Variants in CCDC190 observed in about 807,000 individuals in gnomAD.
CCDC190 encodes the protein coiled-coil domain containing 190.
Under a neutral mutation model 13.1 loss-of-function variants are expected in CCDC190, and 10 were observed. That is an observed-to-expected ratio of 0.77 (90% CI 0.47 to 1.30). The LOEUF (loss-of-function observed/expected upper bound fraction) is 1.30. CCDC190 is among the 50% of genes most tolerant of loss of function. The pLI, the probability that CCDC190 is intolerant of heterozygous loss-of-function variation, is 0.00. For synonymous variants in CCDC190, 136 were observed against 127.2 expected (o/e 1.07, Z -0.47); for missense variants, 375 against 354.3 (o/e 1.06, Z -0.47).
upstream of CCDC190, among the ~76,000 whole-genome samples, chr1:162,862,541 A>T (rs1285517423): frequency 1.3e-5 from 2 of 152,246 alleles, no homozygotes; most frequent in Non-Finnish European, 2.9e-5. Context: ...CAGGGCCAGA[A>T]GGAGGCAGAG....
In CCDC190 at chr1:162,855,374, A is replaced by T; in HGVS notation, c.312-15T>A. The T allele has an allele frequency of 6.3e-7, 1 of 1,576,944 alleles. No individual in the cohort carries two copies. Among genetic ancestry groups the T allele is most frequent in the Non-Finnish European group, 8.6e-7 (1 of 1,169,260 alleles). Reference sequence around the variant, plus strand: ...TTGCCAATGCTCTGAGAAAGGACATAAAAGAAAGATCTCTGAAAACCAATA... The same window carrying T: ...TTGCCAATGCTCTGAGAAAGGACATTAAAGAAAGATCTCTGAAAACCAATA... On this transcript the variant is annotated splice_polypyrimidine_tract_variant and intron_variant, in intron 3 of 3. Transcript: ENST00000367912.
At chr1:162,864,622 A>T (rs1411749752), upstream of CCDC190, among the ~76,000 whole-genome samples, 1 of 152,170 alleles carries the variant, frequency 6.6e-6, no homozygotes, top group African/African-American at 2.4e-5. Context: ...AATAAATGGA[A>T]GTTTACTGTT....
intron 2 of CCDC190, among the ~76,000 whole-genome samples, chr1:162,856,687 C>T (rs1650313101): frequency 6.6e-6 from 1 of 152,156 alleles, no homozygotes; most frequent in African/African-American, 2.4e-5. Context: ...TTTAAATCTA[C>T]AGTTCGGTTA....
At position 162,854,623 on chromosome 1, in the gene CCDC190, C is replaced by T. The variant is rs145929601; in HGVS notation, c.*142G>A. The stretch of plus-strand genomic sequence containing the variant: ...GTTCATTCAAGAAATATTATATTCC[C>T]GGAAAATAATAGGGAGTTTAAAATA... On this transcript the variant is annotated 3_prime_UTR_variant, in exon 4 of 4. Coordinates refer to ENST00000367912, the MANE Select transcript of CCDC190 (RefSeq NM_001394065.1). 978 of 1,395,314 alleles carry T rather than the reference C, an allele frequency of 7.0e-4. 11 individuals are homozygous for T. In the Admixed American group the frequency reaches 0.014, roughly 21 times the overall value. 86.4% of individuals were successfully genotyped at this position (1,395,314 alleles called of 1,614,324 possible).
rs1650214763 is a variant in CCDC190 at position 162,854,490 on chromosome 1, A to G, written c.*275T>C. 1 of 1,152,974 alleles carries G rather than the reference A, an allele frequency of 8.7e-7. No homozygotes were observed. The highest frequency in any genetic ancestry group is 1.6e-5 in the African/African-American group (1 of 62,976). The allele number at this position is 1,152,974 out of a possible 1,614,324, so 71.4% of individuals were successfully genotyped here. A position where few individuals can be genotyped will look rare whatever the true frequency, so the allele number is the denominator to read the frequency against. Reference sequence around the variant, plus strand: ...AAAGCAAGACTGTTACTGTTTTCCCAAGTCCAGTCATCAATATATATTCAT... The same window carrying G: ...AAAGCAAGACTGTTACTGTTTTCCCGAGTCCAGTCATCAATATATATTCAT... On this transcript the variant is annotated 3_prime_UTR_variant, in exon 4 of 4. Transcript: ENST00000367912.
At chr1:162,867,703 A>G (rs1184805209) in intron 1 of CCDC190, among the ~76,000 whole-genome samples, 1 of 152,218 alleles carries the variant, frequency 6.6e-6, no homozygotes, top group African/African-American at 2.4e-5. Flanking sequence ...CAACAAGTGA[A>G]CTGATAAACA....
In CCDC190 at chr1:162,853,757, C is replaced by T. The variant is rs899047603; in HGVS notation, c.*1008G>A. ...ATTGGGCTGAAGATTTGAATTTACC[C>T]ACCACAGAGGCATGATTTCTTTGAG... On this transcript the variant is annotated 3_prime_UTR_variant, in exon 4 of 4. Transcript: ENST00000367912. 2.6e-5 allele frequency among the ~76,000 whole-genome samples: 4 copies of T among 152,150 alleles called. No homozygotes were observed. Among genetic ancestry groups the T allele is most frequent in the African/African-American group, 9.7e-5 (4 of 41,434 alleles).
In CCDC190 at chr1:162,854,443, T is replaced by G. The variant is rs137896262; in HGVS notation, c.*322A>C. 98 of 1,082,876 alleles carry G rather than the reference T, an allele frequency of 9.0e-5. No homozygotes were observed. The highest frequency in any genetic ancestry group is 1.0e-4 in the Non-Finnish European group (93 of 891,158). The allele number at this position is 1,082,876 out of a possible 1,614,324, so 67.1% of individuals were successfully genotyped here. A position where few individuals can be genotyped will look rare whatever the true frequency, so the allele number is the denominator to read the frequency against. ...AGCAGGTGGCACCATGAGAATCTCCTAGAGGAAACAGGAAGTCCCTGAAAG... is the reference window on the plus strand; with the variant it reads ...AGCAGGTGGCACCATGAGAATCTCCGAGAGGAAACAGGAAGTCCCTGAAAG... On this transcript the variant is annotated 3_prime_UTR_variant, in exon 4 of 4. Coordinates refer to ENST00000367912, the MANE Select transcript of CCDC190 (RefSeq NM_001394065.1).
chr1:162,859,715 C>T, intron 1 of CCDC190, 57 bp from the exon 2 acceptor site: 2 of 1,418,824 alleles, frequency 1.4e-6, no homozygotes, highest in Admixed American at 4.5e-5. Context: ...GGATACTGAC[C>T]CCGGCTTTTA....
chr1:162,864,880 T>C (rs1364478462), upstream of CCDC190, among the ~76,000 whole-genome samples: 4 of 152,038 alleles, frequency 2.6e-5, no homozygotes, highest in Admixed American at 6.5e-5. Context: ...AGATGATAGA[T>C]TTTAAACCCA....
rs1308951926 is a variant in CCDC190 at position 162,855,057 on chromosome 1, GCA to G, written c.612_613del (p.Ala205Ter). The G allele has an allele frequency of 1.2e-6, 2 of 1,614,048 alleles. No homozygotes were observed. Among genetic ancestry groups the G allele is most frequent in the Admixed American group, 1.7e-5 (1 of 60,030 alleles). On this transcript the variant is annotated frameshift_variant, in exon 4 of 4. Coordinates refer to ENST00000367912, the MANE Select transcript of CCDC190 (RefSeq NM_001394065.1). LOFTEE classifies it low-confidence loss of function (END_TRUNC). ...AACATCTTTTGATCTGGTCTCATCA[GCA>G]CATGCCATTCCACTATCACTAGCTG...
chr1:162,856,803 G>A (rs1416088796), intron 2 of CCDC190, among the ~76,000 whole-genome samples: 1 of 152,152 alleles, frequency 6.6e-6, no homozygotes, highest in East Asian at 1.9e-4. Context: ...ATCAGAGCAA[G>A]GAAGAGTTCT....
chr1:162,854,596 T>A lies in CCDC190; in HGVS notation c.*169A>T. ...TCCTCTCCTTTTTCATATATTAGCA[T>A]TGTTCATTCAAGAAATATTATATTC... On this transcript the variant is annotated 3_prime_UTR_variant, in exon 4 of 4. Transcript: ENST00000367912. 1 of 1,395,542 alleles carries A rather than the reference T, an allele frequency of 7.2e-7. No individual in the cohort carries two copies. Among genetic ancestry groups the A allele is most frequent in the Non-Finnish European group, 9.3e-7 (1 of 1,076,532 alleles). The allele number at this position is 1,395,542 out of a possible 1,614,324, so 86.4% of individuals were successfully genotyped here.
upstream of CCDC190, among the ~76,000 whole-genome samples, chr1:162,864,157 G>T (rs1050233570): frequency 6.6e-6 from 1 of 151,824 alleles, no homozygotes; most frequent in African/African-American, 2.4e-5. Flanking sequence ...TACATACAGA[G>T]GAACACAATA....
chr1:162,858,152 G>C (rs12086159), intron 2 of CCDC190, among the ~76,000 whole-genome samples: 23,338 of 152,174 alleles, frequency 0.15, 1,943 homozygotes, highest in African/African-American at 0.2. Flanking sequence ...CTGTCAAGAA[G>C]TCTGAGGCTT....
In CCDC190 at chr1:162,855,142, G is replaced by A; in HGVS notation, c.529C>T (p.Pro177Ser). 6.2e-7 allele frequency: 1 copy of A among 1,613,942 alleles called. No homozygotes were observed. The highest frequency in any genetic ancestry group is 8.5e-7 in the Non-Finnish European group (1 of 1,179,864). Reference protein sequence around the residue: ...DVDPSKGISVPCQNQEVSTNT... With the variant: ...DVDPSKGISVSCQNQEVSTNT... Reference sequence around the variant, plus strand: ...GTGGAAACCTCTTGATTTTGGCATGGAACAGAGATGCCCTTGCTGGGGTCT... The same window carrying A: ...GTGGAAACCTCTTGATTTTGGCATGAAACAGAGATGCCCTTGCTGGGGTCT... Residue 177 changes from proline to serine, a missense_variant, in exon 4 of 4, where the codon CCA becomes TCA. Pro to Ser is a moderately conservative substitution (Grantham distance 74, BLOSUM62 -1). Coordinates refer to ENST00000367912, the MANE Select transcript of CCDC190 (RefSeq NM_001394065.1).
Position 162,852,134 on chromosome 1 carries a change from C to T in CCDC190, c.*2631G>A, listed in dbSNP as rs946159108. The T allele has an allele frequency of 1.3e-5, 2 of 152,198 alleles. No individual in the cohort carries two copies. The highest frequency in any genetic ancestry group is 2.4e-5 in the African/African-American group (1 of 41,432). The allele number at this position is 152,198 out of a possible 1,614,324, so 9.4% of individuals were successfully genotyped here. On this transcript the variant is annotated 3_prime_UTR_variant, in exon 4 of 4. Coordinates refer to ENST00000367912, the MANE Select transcript of CCDC190 (RefSeq NM_001394065.1). ...TCCAATCTTGGCGCTATTGATGTTTCGGGCTTGTTAATTCTTTGTTTTAGA... is the reference window on the plus strand; with the variant it reads ...TCCAATCTTGGCGCTATTGATGTTTTGGGCTTGTTAATTCTTTGTTTTAGA...
Position 162,853,136 on chromosome 1 carries a change from C to G in CCDC190, c.*1629G>C. On this transcript the variant is annotated 3_prime_UTR_variant, in exon 4 of 4. Transcript: ENST00000367912. ...TGTTCCTTTCACTATAAAGTATTGT[C>G]TCCCCATTGAAGGCCAGAGGCTGGG... is the stretch of plus-strand genomic sequence containing the variant. The G allele has an allele frequency of 6.5e-7, 1 of 1,549,918 alleles. No homozygotes were observed. Among genetic ancestry groups the G allele is most frequent in the Non-Finnish European group, 8.7e-7 (1 of 1,146,560 alleles).
chr1:162,856,808 A>T (rs1650317965), intron 2 of CCDC190, among the ~76,000 whole-genome samples: 1 of 152,188 alleles, frequency 6.6e-6, no homozygotes, highest in Non-Finnish European at 1.5e-5. Context: ...AGCAAGGAAG[A>T]GTTCTTTGTG....
Sources: allele counts gnomAD v4.1 joint callset (sites outside exome capture counted in the v4.1 genomes callset), GRCh38; gene constraint gnomAD v4.1.1; transcripts MANE v1.5; gene names NCBI Gene and HGNC (gene_info 2026-07-23, HGNC 2026-07-21).